The following SPTLC2 variants were observed in gnomAD, a reference collection of about 807,000 sequenced individuals.
SPTLC2 encodes the protein serine palmitoyltransferase long chain base subunit 2.
A neutral mutation model predicts 62.0 loss-of-function variants in SPTLC2; 21 were observed. The ratio of observed to expected loss-of-function variants is 0.34; its 90% CI spans 0.24 to 0.49. The LOEUF (loss-of-function observed/expected upper bound fraction) is 0.49. Among genes scored for constraint, SPTLC2 ranks in the 20% least tolerant of loss-of-function variants. The probability of loss-of-function intolerance (pLI) is 0.99; values close to 1 mark genes in which losing one functional copy is unlikely to be tolerated. For missense variants in SPTLC2, 511 were observed against 713.0 expected, an observed-to-expected ratio of 0.72 and a Z score of 3.23; for synonymous variants, 261 against 261.8, an observed-to-expected ratio of 1.00 and a Z score of 0.03.
chr14:77,596,076 A>T (rs1197100864), intron 2 of SPTLC2, among the ~76,000 whole-genome samples: 2 of 152,136 alleles, frequency 1.3e-5, no homozygotes, highest in Non-Finnish European at 2.9e-5. Flanking sequence ...AGTGGTTCAC[A>T]CCTGTAATCC....
chr14:77,560,451 C>CA, intron 6 of SPTLC2, among the ~76,000 whole-genome samples: 1 of 151,350 alleles, frequency 6.6e-6, no homozygotes, highest in Admixed American at 6.6e-5. Flanking sequence ...ACACAAAAAA[C>CA]AAAAAACAAA....
chr14:77,615,390 T>A (rs1041798269), intron 1 of SPTLC2, among the ~76,000 whole-genome samples: 2 of 151,840 alleles, frequency 1.3e-5, no homozygotes, highest in African/African-American at 4.8e-5. Flanking sequence ...ATCTGGGGAG[T>A]AGTTATGTTA....
At chr14:77,532,511 G>A (rs752037026) in intron 9 of SPTLC2, among the ~76,000 whole-genome samples, 14 of 152,230 alleles carry the variant, frequency 9.2e-5, no homozygotes, top group South Asian at 2.1e-4. Flanking sequence ...TGGGCTGGGC[G>A]CGGTGGCTCA....
rs2079385767 is a variant in SPTLC2, at chr14:77,521,715, T to G, written c.1304-134A>C. 4 of 803,082 alleles carry G rather than the reference T, an allele frequency of 5.0e-6. No homozygotes were observed. The East Asian group carries it at 1.1e-4, about 21-fold the overall frequency. 49.7% of individuals were successfully genotyped at this position (803,082 alleles called of 1,614,324 possible). A position where few individuals can be genotyped will look rare whatever the true frequency, so the allele number is the denominator to read the frequency against. On this transcript the variant is annotated intron_variant, in intron 9 of 11. Coordinates refer to ENST00000216484, the MANE Select transcript of SPTLC2 (RefSeq NM_004863.4). Reference sequence around the variant, plus strand: ...TTTTTCCATTTCACCATAAAATATTTTACAGAGTAAACCATATGGAATATA... The same window carrying G: ...TTTTTCCATTTCACCATAAAATATTGTACAGAGTAAACCATATGGAATATA...
chr14:77,515,040 T>C (rs2139991071), intron 11 of SPTLC2, among the ~76,000 whole-genome samples: 1 of 152,376 alleles, frequency 6.6e-6, no homozygotes, highest in South Asian at 2.1e-4. Context: ...CATTGACTGG[T>C]CTTGGCTCCC....
chr14:77,583,855 G>A (rs546396438), intron 2 of SPTLC2, among the ~76,000 whole-genome samples: 9 of 152,314 alleles, frequency 5.9e-5, no homozygotes, highest in South Asian at 2.1e-4. Context: ...TGATAAGGGA[G>A]TGACAATGGT....
chr14:77,601,781 T>C (rs1195801477), intron 1 of SPTLC2, among the ~76,000 whole-genome samples: 1 of 152,242 alleles, frequency 6.6e-6, no homozygotes, highest in African/African-American at 2.4e-5. Context: ...CTCTTTCTCC[T>C]TTCAATCTTG....
intron 2 of SPTLC2, among the ~76,000 whole-genome samples, chr14:77,586,571 T>C (rs938254696): frequency 3.3e-5 from 5 of 152,106 alleles, no homozygotes; most frequent in African/African-American, 1.2e-4. Flanking sequence ...TACAGTGATA[T>C]AGGAATGAAG....
At chr14:77,544,233 C>T (rs990905490) in intron 9 of SPTLC2, among the ~76,000 whole-genome samples, 6 of 152,146 alleles carry the variant, frequency 3.9e-5, no homozygotes, top group African/African-American at 1.4e-4. Flanking sequence ...TGGTCTCAAA[C>T]TCCTGACCTC....
chr14:77,509,853 CTT>C lies in SPTLC2; in HGVS notation c.*2429_*2430del. On this transcript the variant is annotated 3_prime_UTR_variant, in exon 12 of 12. Transcript: ENST00000216484. ...AAAATAAACTTGTAACAAAATTACA[CTT>C]ATCTTGAAATAACTTTGTACCAACA... 2.5e-6 allele frequency: 1 copy of C among 398,354 alleles called. No homozygotes were observed. The highest frequency in any genetic ancestry group is 4.4e-6 in the Non-Finnish European group (1 of 225,946). The allele number at this position is 398,354 out of a possible 1,614,324, so 24.7% of individuals were successfully genotyped here.
At position 77,616,549 on chromosome 14, in the gene SPTLC2, G is replaced by A. The variant is rs866105653; in HGVS notation, c.31C>T (p.Arg11Cys). 6 of 1,536,432 alleles carry A rather than the reference G, an allele frequency of 3.9e-6. No homozygotes were observed. The highest frequency in any genetic ancestry group is 4.4e-6 in the Non-Finnish European group (5 of 1,147,030). Residue 11 changes from arginine to cysteine, a missense_variant, in exon 1 of 12, where the codon CGC (arginine) becomes TGC (cysteine). Arg to Cys is a radical substitution (Grantham distance 180, BLOSUM62 -3). Coordinates refer to ENST00000216484, the MANE Select transcript of SPTLC2 (RefSeq NM_004863.4). Reference sequence around the variant, plus strand: ...CAGCCATTCGCCCGCACCGTGCGGCGGCAGCAGCAGCCTCCGGGCTCCGGC... The same window carrying A: ...CAGCCATTCGCCCGCACCGTGCGGCAGCAGCAGCAGCCTCCGGGCTCCGGC... Reference protein sequence around the residue: MRPEPGGCCCRRTVRANGCVA... With the variant: MRPEPGGCCCCRTVRANGCVA...
intron 2 of SPTLC2, among the ~76,000 whole-genome samples, chr14:77,586,438 G>C (rs1165990437): frequency 6.6e-6 from 1 of 152,062 alleles, no homozygotes; most frequent in Non-Finnish European, 1.5e-5. Context: ...TCCATTCTTA[G>C]GTACGTACCA....
At chr14:77,520,965 A>G (rs987248771) in intron 10 of SPTLC2, among the ~76,000 whole-genome samples, 3 of 152,130 alleles carry the variant, frequency 2.0e-5, no homozygotes, top group African/African-American at 7.2e-5. Flanking sequence ...GCTCCTTCAA[A>G]TCTTTGCTCA....
chr14:77,536,251 G>A (rs1022839498), intron 9 of SPTLC2, among the ~76,000 whole-genome samples: 21 of 151,040 alleles, frequency 1.4e-4, no homozygotes, highest in Middle Eastern at 3.2e-3. Context: ...TGTATGTAAT[G>A]CCACTGAATT....
rs767825728 is a variant in SPTLC2, at chr14:77,597,311, T to C, written c.202A>G (p.Met68Val). The change falls in exon 2 of 12, where the codon ATG becomes GTG. Residue 68 changes from methionine (M) to valine (V), a missense_variant. Coordinates refer to ENST00000216484, the MANE Select transcript of SPTLC2 (RefSeq NM_004863.4). ...PFNEAFEETP[M>V]LVAVLTYVGY... is the part of the protein sequence containing the mutation. The stretch of plus-strand genomic sequence containing the variant: ...ACATACGTGAGCACAGCAACCAGCA[T>C]TGGTGTTTCTTCAAAAGCTTCATTA... The C allele has an allele frequency of 1.2e-6, 2 of 1,614,216 alleles. No homozygotes were observed. The highest frequency in any genetic ancestry group is 1.7e-6 in the Non-Finnish European group (2 of 1,180,034).
At chr14:77,542,887 A>G (rs2079508859) in intron 9 of SPTLC2, among the ~76,000 whole-genome samples, 1 of 152,206 alleles carries the variant, frequency 6.6e-6, no homozygotes, top group Admixed American at 6.5e-5. Context: ...GGGCAAGCTT[A>G]AAGTTGCTGA....
At chr14:77,522,510 T>A (rs1262510485) in intron 9 of SPTLC2, among the ~76,000 whole-genome samples, 1 of 152,214 alleles carries the variant, frequency 6.6e-6, no homozygotes, top group East Asian at 1.9e-4. Context: ...TCTGTAATAG[T>A]ATAAAATCGT....
chr14:77,518,198 G>C (rs1248068070), intron 10 of SPTLC2, 31 bp from the exon 11 acceptor site: 4 of 1,613,656 alleles, frequency 2.5e-6, no homozygotes, highest in South Asian at 2.2e-5. Flanking sequence ...ACAGAAACCA[G>C]GAGGAGTGAA....
intron 10 of SPTLC2, among the ~76,000 whole-genome samples, chr14:77,519,477 G>T (rs982184457): frequency 1.3e-5 from 2 of 151,984 alleles, no homozygotes; most frequent in Non-Finnish European, 2.9e-5. Context: ...AGCACTTTGG[G>T]AGGCCGAGGC....
Sources: gnomAD v4.1 joint callset for allele counts (sites outside exome capture counted in the v4.1 genomes callset) on GRCh38, gnomAD v4.1.1 for gene constraint, MANE v1.5 for transcripts, NCBI Gene and HGNC (gene_info 2026-07-23, HGNC 2026-07-21) for gene names.